SLC35E2B: variants seen among roughly 807,000 people sequenced by gnomAD.
SLC35E2B encodes the protein solute carrier family 35, member E2B.
SLC35E2B carries 18 observed loss-of-function variants against 32.4 expected under a neutral mutation model. The observed-to-expected ratio is 0.56, with a 90% CI of 0.38 to 0.82. The LOEUF is 0.82. SLC35E2B is among the 40% of genes least tolerant of loss of function. The pLI is 0.00. For missense variants in SLC35E2B, 263 were observed against 469.5 expected, an observed-to-expected ratio of 0.56 and a Z score of 4.06; for synonymous variants, 132 against 209.1, an observed-to-expected ratio of 0.63 and a Z score of 3.18.
At chr1:1,683,935 G>A (rs1390131304) in intron 2 of SLC35E2B, among the ~76,000 whole-genome samples, 1 of 152,178 alleles carries the variant, frequency 6.6e-6, no homozygotes, top group Non-Finnish European at 1.5e-5. Context: ...CCAGGTGCAG[G>A]TGCCTGTTCA....
Position 1,675,488 on chromosome 1 carries a change from A to G in SLC35E2B, c.561T>C (p.Ser187=). ...SSAPIFTVIM[S]RMILGEYTGL... is the part of the protein sequence containing the mutation. ...CTGTGTACTCCCCCAGAATCATCCG[A>G]GACATGATCACCGTGAAGATGGGGG... Residue 187 remains serine (S), a synonymous_variant, in exon 5 of 10, where the codon TCT becomes TCC. Coordinates refer to ENST00000617444, the MANE Select transcript of SLC35E2B (RefSeq NM_001290264.2). 3 of 1,608,848 alleles carry G rather than the reference A, an allele frequency of 1.9e-6. No homozygotes were observed. The highest frequency in any genetic ancestry group is 1.7e-6 in the Non-Finnish European group (2 of 1,178,054).
At chr1:1,686,339 T>G (rs1436181638) in intron 2 of SLC35E2B, among the ~76,000 whole-genome samples, 10 of 130,222 alleles carry the variant, frequency 7.7e-5, no homozygotes, top group Non-Finnish European at 1.6e-4. Flanking sequence ...TTTTTTTTTT[T>G]GCTGACTCAT....
At chr1:1,673,007 C>A (rs1157631866) in intron 5 of SLC35E2B, 2 of 154,670 alleles carry the variant, frequency 1.3e-5, no homozygotes, top group African/African-American at 4.8e-5. Flanking sequence ...TGGAAATAAA[C>A]GGCTCCTTTC....
At position 1,665,335 on chromosome 1, in the gene SLC35E2B, T is replaced by C. The variant is rs1269414207; in HGVS notation, c.*447A>G. 5.1e-6 allele frequency: 2 copies of C among 393,366 alleles called. No individual in the cohort carries two copies. Among genetic ancestry groups the C allele is most frequent in the South Asian group, 8.1e-5 (1 of 12,288 alleles). The allele number at this position is 393,366 out of a possible 1,614,324, so 24.4% of individuals were successfully genotyped here. A position where few individuals can be genotyped will look rare whatever the true frequency, so the allele number is the denominator to read the frequency against. Reference sequence around the variant, plus strand: ...CCTTCGGCCCTGCTCTGTGGCCTCATGCCCAGGGCCAGTCTGCCGCCGGTC... The same window carrying C: ...CCTTCGGCCCTGCTCTGTGGCCTCACGCCCAGGGCCAGTCTGCCGCCGGTC... On this transcript the variant is annotated 3_prime_UTR_variant, in exon 10 of 10. Coordinates refer to ENST00000617444, the MANE Select transcript of SLC35E2B (RefSeq NM_001290264.2).
intron 2 of SLC35E2B, among the ~76,000 whole-genome samples, chr1:1,682,906 G>A (rs962745664): frequency 7.9e-5 from 12 of 152,068 alleles, no homozygotes; most frequent in Admixed American, 3.3e-4. Context: ...GTGAAACCCC[G>A]TCTCTACTAA....
chr1:1,687,973 C>CT (rs1439926316), intron 2 of SLC35E2B, among the ~76,000 whole-genome samples: 3 of 152,192 alleles, frequency 2.0e-5, no homozygotes, highest in African/African-American at 7.2e-5. Flanking sequence ...TGAAAAATGA[C>CT]TGACTCTCGG....
Position 1,663,496 on chromosome 1 carries a change from A to C in SLC35E2B, c.*2286T>G. 13 of 889,244 alleles carry C rather than the reference A, an allele frequency of 1.5e-5. No homozygotes were observed. Among genetic ancestry groups the C allele is most frequent in the Non-Finnish European group, 1.6e-5 (12 of 741,906 alleles). 55.1% of individuals were successfully genotyped at this position (889,244 alleles called of 1,614,324 possible). A position where few individuals can be genotyped will look rare whatever the true frequency, so the allele number is the denominator to read the frequency against. ...CTAATAGTGTTTGTTTTTGAGACGG[A>C]ATCTTGCCCTGTTGCCCAGGCTGGA... On this transcript the variant is annotated 3_prime_UTR_variant, in exon 10 of 10. Coordinates refer to ENST00000617444, the MANE Select transcript of SLC35E2B (RefSeq NM_001290264.2).
Position 1,671,448 on chromosome 1 carries a change from A to G in SLC35E2B, c.707+61T>C, listed in dbSNP as rs763284111. ...TCTCAGCTCACCTGAGAATCTGCACACCCAGATGCAGGTGAGCACCGGGTC... is the reference window on the plus strand; with the variant it reads ...TCTCAGCTCACCTGAGAATCTGCACGCCCAGATGCAGGTGAGCACCGGGTC... On this transcript the variant is annotated intron_variant, in intron 6 of 9. Transcript: ENST00000617444. 410 of 1,340,840 alleles carry G rather than the reference A, an allele frequency of 3.1e-4. 1 individual carries two copies. Among genetic ancestry groups the G allele is most frequent in the Non-Finnish European group, 3.8e-4 (391 of 1,031,098 alleles). The allele number at this position is 1,340,840 out of a possible 1,614,324, so 83.1% of individuals were successfully genotyped here. A position where few individuals can be genotyped will look rare whatever the true frequency, so the allele number is the denominator to read the frequency against.
In SLC35E2B at chr1:1,662,255, T is replaced by TACCATGTTGGTCAAAGGC; in HGVS notation, c.*3509_*3526dup. The TACCATGTTGGTCAAAGGC allele has an allele frequency of 1.1e-6, 1 of 900,030 alleles. No individual in the cohort carries two copies. Among genetic ancestry groups the TACCATGTTGGTCAAAGGC allele is most frequent in the Non-Finnish European group, 1.3e-6 (1 of 756,554 alleles). The allele number at this position is 900,030 out of a possible 1,614,324, so 55.8% of individuals were successfully genotyped here. A position where few individuals can be genotyped will look rare whatever the true frequency, so the allele number is the denominator to read the frequency against. Reference sequence around the variant, plus strand: ...CATTGGGAAAGAAGAAACCCCTTAGTACCATGTTGGTCAAAGGCAAGAGAG... The same window carrying TACCATGTTGGTCAAAGGC: ...CATTGGGAAAGAAGAAACCCCTTAGTACCATGTTGGTCAAAGGCACCATGTTGGTCAAAGGCAAGAGAG... On this transcript the variant is annotated 3_prime_UTR_variant, in exon 10 of 10. Transcript: ENST00000617444.
chr1:1,688,971 A>C (rs1473456322), intron 2 of SLC35E2B, among the ~76,000 whole-genome samples: 3 of 151,888 alleles, frequency 2.0e-5, no homozygotes, highest in Admixed American at 6.6e-5. Context: ...GGAGATTGAG[A>C]CCATCCTGGC....
Position 1,664,944 on chromosome 1 carries a change from A to T in SLC35E2B, c.*838T>A, listed in dbSNP as rs1643502693. ...CTGCCTCATACTCAGAGTCCAAAAA[A>T]GAAAAGGAACGTACACATCTCCTCC... On this transcript the variant is annotated 3_prime_UTR_variant, in exon 10 of 10. Transcript: ENST00000617444. The T allele has an allele frequency of 2.1e-6, 2 of 957,424 alleles. No homozygotes were observed. Among genetic ancestry groups the T allele is most frequent in the Non-Finnish European group, 2.5e-6 (2 of 805,576 alleles). 59.3% of individuals were successfully genotyped at this position (957,424 alleles called of 1,614,324 possible).
rs1293617090 is a variant in SLC35E2B, at chr1:1,665,106, G to C, written c.*676C>G. 1 of 265,486 alleles carries C rather than the reference G, an allele frequency of 3.8e-6. No homozygotes were observed. Among genetic ancestry groups the C allele is most frequent in the Non-Finnish European group, 5.8e-6 (1 of 171,646 alleles). 16.4% of individuals were successfully genotyped at this position (265,486 alleles called of 1,614,324 possible). On this transcript the variant is annotated 3_prime_UTR_variant, in exon 10 of 10. Transcript: ENST00000617444. Reference sequence around the variant, plus strand: ...GGATAGGAGGGCAGGGTGTGGAAGAGGTAGGGGGCCTTCCTCTAAACAGAA... The same window carrying C: ...GGATAGGAGGGCAGGGTGTGGAAGACGTAGGGGGCCTTCCTCTAAACAGAA...
Position 1,682,384 on chromosome 1 carries a change from C to T in SLC35E2B, c.-147-5538G>A, listed in dbSNP as rs146165438. ...CAAACACCAAAAGAATGCCAACCTACGTGCCTGTCAACAGTAGAAACAAAC... is the reference window on the plus strand; with the variant it reads ...CAAACACCAAAAGAATGCCAACCTATGTGCCTGTCAACAGTAGAAACAAAC... On this transcript the variant is annotated intron_variant, in intron 2 of 9. Transcript: ENST00000617444. 5.9e-5 allele frequency among the ~76,000 whole-genome samples: 9 copies of T among 152,158 alleles called. No individual in the cohort carries two copies. In the East Asian group the frequency reaches 1.7e-3, roughly 29 times the overall value.
chr1:1,684,221 G>C (rs868248925), intron 2 of SLC35E2B, among the ~76,000 whole-genome samples: 3 of 152,152 alleles, frequency 2.0e-5, no homozygotes, highest in African/African-American at 7.2e-5. Context: ...ATCCACCTCC[G>C]CGTGCTGACA....
chr1:1,678,380 C>T (rs1333020450), intron 2 of SLC35E2B, among the ~76,000 whole-genome samples: 2 of 152,078 alleles, frequency 1.3e-5, no homozygotes, highest in African/African-American at 4.8e-5. Flanking sequence ...CCTCCCCATA[C>T]CCGGGAACAG....
intron 9 of SLC35E2B, among the ~76,000 whole-genome samples, chr1:1,666,641 A>C (rs1643552440): frequency 6.6e-6 from 1 of 151,676 alleles, no homozygotes; most frequent in Admixed American, 6.5e-5. Flanking sequence ...GAATCCCAGC[A>C]CTGTGGGAGG....
At chr1:1,686,728 C>G (rs1643956151) in intron 2 of SLC35E2B, among the ~76,000 whole-genome samples, 1 of 151,426 alleles carries the variant, frequency 6.6e-6, no homozygotes, top group South Asian at 2.1e-4. Flanking sequence ...ATCATGCCAC[C>G]ACACTCCAGC....
At chr1:1,679,155 T>G (rs934215620) in intron 2 of SLC35E2B, among the ~76,000 whole-genome samples, 1 of 152,108 alleles carries the variant, frequency 6.6e-6, no homozygotes, top group African/African-American at 2.4e-5. Flanking sequence ...CCAAATTCAT[T>G]TACATGGCAA....
At chr1:1,681,898 C>T (rs1484357199) in intron 2 of SLC35E2B, among the ~76,000 whole-genome samples, 2 of 147,088 alleles carry the variant, frequency 1.4e-5, no homozygotes, top group South Asian at 2.2e-4. Flanking sequence ...GGCAGGAGAA[C>T]GGTGTGAACC....
Sources: allele counts gnomAD v4.1 joint callset (sites outside exome capture counted in the v4.1 genomes callset), GRCh38; gene constraint gnomAD v4.1.1; transcripts MANE v1.5; gene names NCBI Gene and HGNC (gene_info 2026-07-23, HGNC 2026-07-21).